GRM1: variants seen among roughly 807,000 people sequenced by gnomAD.
GRM1 encodes the protein metabotropic glutamate receptor 1.
A neutral mutation model predicts 90.9 loss-of-function variants in GRM1; 33 were observed. The ratio of observed to expected loss-of-function variants is 0.36; its 90% CI spans 0.28 to 0.49. GRM1 has a LOEUF of 0.49. Among genes scored for constraint, GRM1 ranks in the 20% least tolerant of loss-of-function variants. The pLI is 0.99. For synonymous variants in GRM1, 700 were observed against 613.2 expected (o/e 1.14, Z -2.09); for missense variants, 1,190 against 1,534.3 (o/e 0.78, Z 3.75).
intron 3 of GRM1, among the ~76,000 whole-genome samples, chr6:146,306,668 A>C (rs1226582101): frequency 6.6e-6 from 1 of 152,126 alleles, no homozygotes; most frequent in East Asian, 1.9e-4. Context: ...AGTTTTGCTG[A>C]AGGGCCCAAG....
chr6:146,170,914 T>C (rs777069758), intron 2 of GRM1, among the ~76,000 whole-genome samples: 1 of 152,224 alleles, frequency 6.6e-6, no homozygotes, highest in Non-Finnish European at 1.5e-5. Flanking sequence ...ATCCTGTTCC[T>C]CTTCTCTGGG....
chr6:146,123,873 T>C (rs1348418586), intron 1 of GRM1, among the ~76,000 whole-genome samples: 1 of 152,210 alleles, frequency 6.6e-6, no homozygotes, highest in African/African-American at 2.4e-5. Flanking sequence ...TTTAAATCTC[T>C]GCTGTTATTT....
chr6:146,199,634 G>A (rs536889697), intron 2 of GRM1, among the ~76,000 whole-genome samples: 3 of 152,254 alleles, frequency 2.0e-5, no homozygotes, highest in African/African-American at 7.2e-5. Context: ...TCTGATGACT[G>A]CCAGTAGAGG....
intron 2 of GRM1, among the ~76,000 whole-genome samples, chr6:146,284,932 C>G (rs1447711847): frequency 6.6e-6 from 1 of 152,144 alleles, no homozygotes; most frequent in Non-Finnish European, 1.5e-5. Flanking sequence ...ATGGATAAGT[C>G]CTTGAAATCA....
chr6:146,116,483 A>G (rs1283572796), intron 1 of GRM1, among the ~76,000 whole-genome samples: 2 of 152,184 alleles, frequency 1.3e-5, no homozygotes, highest in Non-Finnish European at 2.9e-5. Flanking sequence ...TTCTCTCAAT[A>G]TCCTTCTATA....
chr6:146,411,797 C>A (rs1489029965), intron 7 of GRM1, among the ~76,000 whole-genome samples: 1 of 152,102 alleles, frequency 6.6e-6, no homozygotes, highest in Admixed American at 6.5e-5. Context: ...AGAGACATGC[C>A]TTTGCCTCAG....
At chr6:146,260,804 GTTTTTTTTTTTTTTTTTT>G (rs56956724) in intron 2 of GRM1, among the ~76,000 whole-genome samples, 4 of 22,712 alleles carry the variant, frequency 1.8e-4, no homozygotes, top group Admixed American at 1.3e-3. Flanking sequence ...GGTTATTTGG[GTTTTTTTTTTTTTTTTTT>G]TTTTTTTTTT....
intron 2 of GRM1, among the ~76,000 whole-genome samples, chr6:146,270,739 T>C (rs1156741756): frequency 6.6e-6 from 1 of 152,118 alleles, no homozygotes; most frequent in Admixed American, 6.5e-5. Context: ...ATGAACACCA[T>C]TTCAGGGAGG....
intron 1 of GRM1, among the ~76,000 whole-genome samples, chr6:146,052,411 G>A (rs1384573320): frequency 6.6e-6 from 1 of 151,988 alleles, no homozygotes; most frequent in African/African-American, 2.4e-5. Context: ...CCCAGCCGTG[G>A]AGGCTCTGCT....
intron 1 of GRM1, among the ~76,000 whole-genome samples, chr6:146,137,329 G>T (rs559039463): frequency 1.3e-5 from 2 of 152,126 alleles, no homozygotes; most frequent in South Asian, 2.1e-4. Flanking sequence ...GTCTATTTTG[G>T]TTTGATTATT....
intron 1 of GRM1, among the ~76,000 whole-genome samples, chr6:146,135,435 T>C (rs1013872007): frequency 6.6e-6 from 1 of 152,204 alleles, no homozygotes; most frequent in African/African-American, 2.4e-5. Context: ...TGATGTGAAG[T>C]GGTGTGGAAT....
At chr6:146,185,102 A>G (rs569228621) in intron 2 of GRM1, among the ~76,000 whole-genome samples, 84 of 152,316 alleles carry the variant, frequency 5.5e-4, no homozygotes, top group African/African-American at 1.7e-3. Context: ...ACCCAAAAGT[A>G]CCACTGAGTG....
intron 6 of GRM1, among the ~76,000 whole-genome samples, chr6:146,390,438 A>G (rs1168479151): frequency 6.6e-6 from 1 of 152,008 alleles, no homozygotes; most frequent in Non-Finnish European, 1.5e-5. Flanking sequence ...TGATACAAAA[A>G]CAGGGATCTT....
chr6:146,172,250 C>A (rs1338410326), intron 2 of GRM1, among the ~76,000 whole-genome samples: 1 of 152,134 alleles, frequency 6.6e-6, no homozygotes, highest in African/African-American at 2.4e-5. Flanking sequence ...ATTTTCAAGC[C>A]AGTAGCATTG....
chr6:146,316,288 C>G (rs559283011), intron 3 of GRM1, among the ~76,000 whole-genome samples: 1 of 152,180 alleles, frequency 6.6e-6, no homozygotes, highest in African/African-American at 2.4e-5. Context: ...TCTCTCTGGA[C>G]GTGACCAGGG....
chr6:146,227,838 T>A (rs1780299957), intron 2 of GRM1, among the ~76,000 whole-genome samples: 1 of 152,204 alleles, frequency 6.6e-6, no homozygotes, highest in Non-Finnish European at 1.5e-5. Flanking sequence ...ATTGTGTAAA[T>A]GAGTTGTGCA....
chr6:146,252,356 G>A (rs1781321576), intron 2 of GRM1, among the ~76,000 whole-genome samples: 1 of 152,188 alleles, frequency 6.6e-6, no homozygotes, highest in Non-Finnish European at 1.5e-5. Flanking sequence ...GGATAAATTA[G>A]GCTGGGTGTG....
chr6:146,080,496 G>A (rs1314269459), intron 1 of GRM1, among the ~76,000 whole-genome samples: 4 of 152,116 alleles, frequency 2.6e-5, no homozygotes, highest in African/African-American at 9.7e-5. Flanking sequence ...TACTAGAAAA[G>A]GTCCTTAACT....
At chr6:146,094,267 A>G (rs10457793) in intron 1 of GRM1, among the ~76,000 whole-genome samples, 56,363 of 151,928 alleles carry the variant, frequency 0.37, 11,177 homozygotes, top group Middle Eastern at 0.52. Flanking sequence ...GAGTGCTTGG[A>G]ATGGTAAATC....
Sources: allele counts gnomAD v4.1 joint callset (sites outside exome capture counted in the v4.1 genomes callset), GRCh38; gene constraint gnomAD v4.1.1; transcripts MANE v1.5; gene names NCBI Gene and HGNC (gene_info 2026-07-23, HGNC 2026-07-21).